ZNF407: variants seen among roughly 807,000 people sequenced by gnomAD.
ZNF407 encodes the protein zinc finger protein 407.
In ZNF407, 17 loss-of-function variants were observed where a neutral mutation model predicts 131.2. That is an observed-to-expected ratio of 0.13 (90% confidence interval 0.09 to 0.19). The LOEUF (loss-of-function observed/expected upper bound fraction) is 0.19. Ranked by LOEUF, ZNF407 falls within the 10% of genes least tolerant of loss-of-function variation. The probability of loss-of-function intolerance (pLI) is 1.00; values close to 1 mark genes in which losing one functional copy is unlikely to be tolerated. For synonymous variants in ZNF407, 1,156 were observed against 1,062.0 expected (o/e 1.09, Z -1.72); for missense variants, 2,681 against 2,830.6 (o/e 0.95, Z 1.20).
In ZNF407 at chr18:74,902,294, A is replaced by G. The variant is rs1467650872; in HGVS notation, c.5249+12256A>G. On this transcript the variant is annotated intron_variant, in intron 7 of 8. Coordinates refer to ENST00000299687, the MANE Select transcript of ZNF407 (RefSeq NM_017757.3). ...TCAACACTCCAGCTGACATAATTAC[A>G]ACCTGCGCACAGCAGTTATTCAAGT... is the stretch of plus-strand genomic sequence containing the variant. 2.0e-5 allele frequency among the ~76,000 whole-genome samples: 3 copies of G among 152,184 alleles called. No homozygotes were observed. The East Asian group carries it at 5.8e-4, about 29-fold the overall frequency.
At chr18:74,598,147 C>T (rs1373262839) in intron 1 of ZNF407, 2 of 151,868 alleles carry the variant, frequency 1.3e-5, no homozygotes. Context: ...AGACTCACGC[C>T]CGGACACACA....
chr18:74,966,511 C>A (rs1049034548), intron 8 of ZNF407, among the ~76,000 whole-genome samples: 2 of 152,046 alleles, frequency 1.3e-5, no homozygotes, highest in Non-Finnish European at 2.9e-5. Flanking sequence ...GTATTCTGTT[C>A]CCTGGGTCTG....
chr18:74,968,191 A>G (rs1216803091), intron 8 of ZNF407, among the ~76,000 whole-genome samples: 2 of 152,254 alleles, frequency 1.3e-5, no homozygotes, highest in South Asian at 2.1e-4. Context: ...TGCTTTAGGT[A>G]TTAGCATATA....
At chr18:74,755,728 C>CTTTCTTTCTTTCTTT (rs1968925683) in intron 3 of ZNF407, among the ~76,000 whole-genome samples, 27 of 63,480 alleles carry the variant, frequency 4.3e-4, no homozygotes, top group African/African-American at 7.1e-4. Context: ...TTCTTTCTTT[C>CTTTCTTTCTTTCTTT]CTTTCTTTCT....
chr18:74,899,565 A>G (rs1971496144), intron 7 of ZNF407, among the ~76,000 whole-genome samples: 1 of 152,236 alleles, frequency 6.6e-6, no homozygotes, highest in Non-Finnish European at 1.5e-5. Flanking sequence ...AACCAGGTCA[A>G]TAGGTGTATA....
At chr18:74,919,654 C>G (rs1229778635) in intron 7 of ZNF407, among the ~76,000 whole-genome samples, 1 of 152,172 alleles carries the variant, frequency 6.6e-6, no homozygotes, top group African/African-American at 2.4e-5. Context: ...GTATAGGGCT[C>G]TTTTTATTAC....
intron 7 of ZNF407, among the ~76,000 whole-genome samples, chr18:74,898,875 G>A (rs1452736116): frequency 1.3e-5 from 2 of 152,198 alleles, no homozygotes; most frequent in Non-Finnish European, 2.9e-5. Flanking sequence ...GGATTGAAGT[G>A]TCTGGGGGGA....
At chr18:74,676,634 C>T (rs997778387) in intron 3 of ZNF407, among the ~76,000 whole-genome samples, 31 of 151,806 alleles carry the variant, frequency 2.0e-4, no homozygotes, top group Admixed American at 2.6e-4. Flanking sequence ...CGGGGTTTCA[C>T]CGTGTTAGCC....
chr18:74,723,830 C>T (rs1968094368), intron 3 of ZNF407, among the ~76,000 whole-genome samples: 1 of 150,104 alleles, frequency 6.7e-6, no homozygotes, highest in Admixed American at 6.8e-5. Context: ...TGGTTTGCTT[C>T]ATGGTTTGGT....
intron 4 of ZNF407, among the ~76,000 whole-genome samples, chr18:74,844,711 A>G (rs1200084939): frequency 3.3e-5 from 5 of 152,150 alleles, no homozygotes; most frequent in Non-Finnish European, 5.9e-5. Context: ...TTATATATTT[A>G]GAGTCATCAA....
rs1000331139 is a variant in ZNF407, at chr18:75,048,826, A to C, written c.5429-14324A>C. On this transcript the variant is annotated intron_variant, in intron 8 of 8. Coordinates refer to ENST00000299687, the MANE Select transcript of ZNF407 (RefSeq NM_017757.3). The surrounding 1 kb of genome is among the most constrained non-coding windows in gnomAD (Gnocchi z 4.1). The stretch of plus-strand genomic sequence containing the variant: ...CAGTTATGATTCCTAAAAACTGAAA[A>C]AATTAAATTGGAGGGTGGGAAGGGG... Among the ~76,000 whole-genome samples the C allele has an allele frequency of 3.3e-5, 5 of 152,176 alleles. No individual in the cohort carries two copies. Among genetic ancestry groups the C allele is most frequent in the African/African-American group, 1.2e-4 (5 of 41,446 alleles).
At chr18:74,991,598 T>C (rs1240057074) in intron 8 of ZNF407, among the ~76,000 whole-genome samples, 2 of 152,230 alleles carry the variant, frequency 1.3e-5, no homozygotes, top group African/African-American at 4.8e-5. Flanking sequence ...GGTCACTAAA[T>C]TTAAACATGG....
At chr18:74,721,352 T>C (rs1228591310) in intron 3 of ZNF407, among the ~76,000 whole-genome samples, 1 of 152,176 alleles carries the variant, frequency 6.6e-6, no homozygotes, top group East Asian at 1.9e-4. Flanking sequence ...ATGCCCACTC[T>C]TACCTCCCAT....
At chr18:74,883,364 T>C (rs774574721) in intron 6 of ZNF407, among the ~76,000 whole-genome samples, 16 of 152,192 alleles carry the variant, frequency 1.1e-4, no homozygotes, top group South Asian at 2.1e-4. Flanking sequence ...CAGACTTGTA[T>C]GGTGCATTTG....
At position 74,807,745 on chromosome 18, in the gene ZNF407, C is replaced by G. The variant is rs560098478; in HGVS notation, c.4877+26243C>G. Among the ~76,000 whole-genome samples the G allele has an allele frequency of 3.2e-3, 482 of 152,232 alleles. 2 individuals are homozygous for G. Among genetic ancestry groups the G allele is most frequent in the African/African-American group, 0.011 (443 of 41,544 alleles). On this transcript the variant is annotated intron_variant, in intron 4 of 8. Transcript: ENST00000299687. ...AACTGTCAGAAAATTTGTTTTTCTT[C>G]TTGAACTCACATCCCTTATTTCCCC...
intron 8 of ZNF407, 114 bp downstream of exon 8, chr18:74,920,806 T>A (rs1406314563): frequency 1.5e-6 from 2 of 1,361,442 alleles, no homozygotes; most frequent in Admixed American, 3.0e-5. Flanking sequence ...GAGTATGTGA[T>A]AGTATCTGCT....
intron 3 of ZNF407, among the ~76,000 whole-genome samples, chr18:74,653,404 T>A (rs1307225536): frequency 6.6e-6 from 1 of 151,890 alleles, no homozygotes; most frequent in East Asian, 1.9e-4. Context: ...TAACTTAGGT[T>A]TAAACACCTA....
intron 3 of ZNF407, among the ~76,000 whole-genome samples, chr18:74,727,774 A>G (rs1213671038): frequency 2.0e-5 from 3 of 152,234 alleles, no homozygotes; most frequent in Admixed American, 2.0e-4. Flanking sequence ...TGATGGGGTT[A>G]TTGAAAGTGC....
At chr18:74,760,387 C>T (rs140222855) in intron 3 of ZNF407, among the ~76,000 whole-genome samples, 2 of 152,274 alleles carry the variant, frequency 1.3e-5, no homozygotes, top group Non-Finnish European at 2.9e-5. Flanking sequence ...ATTCACACAG[C>T]CCTGTGCATG....
Sources: allele counts gnomAD v4.1 joint callset (sites outside exome capture counted in the v4.1 genomes callset), GRCh38; gene constraint gnomAD v4.1.1; non-coding constraint Gnocchi (gnomAD v3.1); transcripts MANE v1.5; gene names NCBI Gene and HGNC (gene_info 2026-07-23, HGNC 2026-07-21).